MAP4: variants seen among roughly 807,000 people sequenced by gnomAD.
The protein encoded by MAP4 is microtubule-associated protein 4.
A neutral mutation model predicts 170.2 loss-of-function variants in MAP4; 76 were observed. That is an observed-to-expected ratio of 0.45 (90% CI 0.37 to 0.54). MAP4 has a LOEUF of 0.54. MAP4 is among the 20% of genes least tolerant of loss of function. MAP4 has a pLI of 0.00. For synonymous variants in MAP4, 909 were observed against 994.5 expected, an observed-to-expected ratio of 0.91 and a Z score of 1.62; for missense variants, 2,506 against 2,748.0, an observed-to-expected ratio of 0.91 and a Z score of 1.97.
intron 20 of MAP4, 89 bp from the exon 21 acceptor site, chr3:47,853,027 C>T (rs768410610): frequency 3.7e-6 from 6 of 1,614,224 alleles, no homozygotes; most frequent in Non-Finnish European, 5.1e-6. Flanking sequence ...ACCAGAATGT[C>T]ATCATTAGAT....
intron 17 of MAP4, among the ~76,000 whole-genome samples, chr3:47,858,607 GTGTGTGTGCGCGT>G (rs1314780967): frequency 1.8e-4 from 25 of 138,760 alleles, no homozygotes; most frequent in African/African-American, 7.4e-4. Flanking sequence ...GTGTGTGTGT[GTGTGTGTGCGCGT>G]TGTGTGTGTG....
At chr3:48,044,676 T>C (rs932971298) in intron 1 of MAP4, among the ~76,000 whole-genome samples, 4 of 152,040 alleles carry the variant, frequency 2.6e-5, no homozygotes, top group Admixed American at 6.5e-5. Context: ...GGCAGGAGAA[T>C]TGTTTGAACC....
chr3:47,928,068 G>C (rs2100047062), intron 4 of MAP4, among the ~76,000 whole-genome samples, 160 bp downstream of exon 4: 1 of 152,206 alleles, frequency 6.6e-6, no homozygotes, highest in Admixed American at 6.6e-5. Context: ...GTGTCTCAAA[G>C]GAAAGGATAA....
intron 1 of MAP4, among the ~76,000 whole-genome samples, chr3:48,061,246 G>A (rs945784839): frequency 2.1e-5 from 3 of 141,312 alleles, no homozygotes; most frequent in Admixed American, 7.2e-5. Flanking sequence ...ATGCCGAGCC[G>A]AAGCTGGACT....
chr3:47,907,865 G>A (rs951164978), intron 9 of MAP4, among the ~76,000 whole-genome samples: 3 of 152,192 alleles, frequency 2.0e-5, no homozygotes, highest in Non-Finnish European at 2.9e-5. Flanking sequence ...AAACAGAGAA[G>A]ATGAGAATGT....
At chr3:47,881,550 T>C (rs1318147276) in intron 10 of MAP4, among the ~76,000 whole-genome samples, 2 of 144,848 alleles carry the variant, frequency 1.4e-5, no homozygotes, top group Non-Finnish European at 3.0e-5. Flanking sequence ...TAACATGATA[T>C]ATTTCTTTCC....
chr3:47,905,691 AC>A (rs67928913), intron 9 of MAP4, among the ~76,000 whole-genome samples: 57,987 of 151,316 alleles, frequency 0.38, 12,416 homozygotes, highest in African/African-American at 0.59. Flanking sequence ...TGAAGAAGTC[AC>A]TAAAAAAAAA....
intron 1 of MAP4, among the ~76,000 whole-genome samples, chr3:48,057,421 T>TA (rs1205490706): frequency 7.6e-6 from 1 of 131,818 alleles, no homozygotes; most frequent in African/African-American, 2.9e-5. Context: ...GCATGCTCGT[T>TA]AAGAGTCATC....
Position 47,911,072 on chromosome 3 carries a change from C to T in MAP4, c.3349G>A (p.Glu1117Lys). Residue 1117 changes from glutamate to lysine, a missense_variant, in exon 9 of 21, where the codon GAG becomes AAG. By Grantham distance (56) the Glu-to-Lys change is moderately conservative. This residue lies in a region of MAP4 where 2,008 missense variants were observed against 2,206.0 expected (regional missense o/e 0.91). Transcript: ENST00000683076. The surrounding 1 kb of genome is among the most constrained non-coding windows in gnomAD (Gnocchi z 4.0). ...TEGMTTQDKS[E>K]ELGLNSSKQP... ...TTTGAAGAATTCAGCCCCAGCTCCTCACTCTTATCCTGAGTAGTCATTCCT... is the reference window on the plus strand; with the variant it reads ...TTTGAAGAATTCAGCCCCAGCTCCTTACTCTTATCCTGAGTAGTCATTCCT... 1 of 1,536,202 alleles carries T rather than the reference C, an allele frequency of 6.5e-7. No individual in the cohort carries two copies. The highest frequency in any genetic ancestry group is 8.7e-7 in the Non-Finnish European group (1 of 1,146,920).
Position 47,921,780 on chromosome 3 carries a change from AGG to A in MAP4, c.512_513del (p.Pro171LeufsTer78). On this transcript the variant is annotated frameshift_variant, in exon 5 of 21. Transcript: ENST00000683076. LOFTEE classifies it high-confidence loss of function. ...DTSIFAGQND[P>X]LKDSYGMSPC... The stretch of plus-strand genomic sequence containing the variant: ...GAAGCCATACCGTAACTGTCTTTCA[AGG>A]GATCATTTTGTCCTGCAAATATTGA... 1.2e-6 allele frequency: 2 copies of A among 1,605,552 alleles called. No individual in the cohort carries two copies. Among genetic ancestry groups the A allele is most frequent in the Non-Finnish European group, 1.7e-6 (2 of 1,172,254 alleles).
rs1163246476 is a variant in MAP4, at chr3:47,910,828, T to G, written c.3593A>C (p.Asp1198Ala). The part of the protein sequence containing the change: ...QSKEGRCPWK[D>A]HEAAPWISEK... The stretch of plus-strand genomic sequence containing the variant: ...AGAAATCCAGGGAGCTGCCTCATGA[T>G]CCTTCCATGGACACCTTCCTTCCTT... Residue 1198 changes from aspartate (D) to alanine (A), a missense_variant, in exon 9 of 21, where the codon GAT (aspartate) becomes GCT (alanine). Physicochemically the swap from Asp to Ala is moderately radical, Grantham distance 126 (BLOSUM62 -2). Transcript: ENST00000683076. 3.3e-6 allele frequency: 5 copies of G among 1,536,020 alleles called. No homozygotes were observed. The highest frequency in any genetic ancestry group is 3.3e-4 in the Middle Eastern group (2 of 6,012).
At chr3:48,025,068 A>G (rs529119905) in intron 1 of MAP4, among the ~76,000 whole-genome samples, 1 of 152,070 alleles carries the variant, frequency 6.6e-6, no homozygotes, top group Admixed American at 6.6e-5. Flanking sequence ...TTGCAAAAAG[A>G]AAAGAATTCT....
At chr3:48,064,042 T>C (rs1331697324) in intron 1 of MAP4, among the ~76,000 whole-genome samples, 1 of 152,194 alleles carries the variant, frequency 6.6e-6, no homozygotes, top group Non-Finnish European at 1.5e-5. Context: ...TAGCCCAAAC[T>C]AACTTTGTTT....
intron 1 of MAP4, among the ~76,000 whole-genome samples, chr3:48,003,853 GC>G (rs2100100701): frequency 6.6e-6 from 1 of 152,120 alleles, no homozygotes; most frequent in African/African-American, 2.4e-5. Context: ...TCAGCCACCA[GC>G]GAACATAAAG....
chr3:47,918,826 T>A lies in MAP4; in HGVS notation c.545A>T (p.Asn182Ile). Residue 182 changes from asparagine to isoleucine, a missense_variant, in exon 6 of 21, where the codon AAC becomes ATC. By Grantham distance (149) the Asn-to-Ile change is moderately radical. Transcript: ENST00000683076. ...CCACCCCTGAGGTACAACAGCTGTG[T>A]TGCAGGGAGACATACCTAATATTGA... ...LKDSYGMSPC[N>I]TAVVPQGWSV... 2 of 1,613,094 alleles carry A rather than the reference T, an allele frequency of 1.2e-6. No homozygotes were observed. The highest frequency in any genetic ancestry group is 2.2e-5 in the South Asian group (2 of 91,050).
At chr3:48,001,828 T>C (rs980402707) in intron 1 of MAP4, among the ~76,000 whole-genome samples, 1 of 152,196 alleles carries the variant, frequency 6.6e-6, no homozygotes, top group African/African-American at 2.4e-5. Context: ...GCAAATGTGA[T>C]ATTTAAATTT....
intron 1 of MAP4, among the ~76,000 whole-genome samples, chr3:48,028,160 C>T (rs780578954): frequency 1.8e-4 from 27 of 152,222 alleles, no homozygotes; most frequent in Non-Finnish European, 3.1e-4. Flanking sequence ...GGTGTGGTAG[C>T]ACACGCCTAT....
intron 3 of MAP4, among the ~76,000 whole-genome samples, chr3:47,962,851 C>T (rs984109085): frequency 1.3e-5 from 2 of 152,218 alleles, no homozygotes; most frequent in Non-Finnish European, 1.5e-5. Flanking sequence ...CACAGAAAAA[C>T]TGAAGACCAG....
chr3:48,061,309 C>G lies in MAP4; in HGVS notation c.-20+27464G>C, dbSNP rs1201553412. On this transcript the variant is annotated intron_variant, in intron 1 of 18. Transcript: ENST00000360240. ...ACCTCCCTGCCTGATTCTCCTCCCT[C>G]AGCCTGCCGAGTGCCTGCGATTGCA... Among the ~76,000 whole-genome samples the G allele has an allele frequency of 1.1e-4, 17 of 152,124 alleles. 1 individual carries two copies. In the East Asian group the frequency reaches 3.3e-3, roughly 30 times the overall value.
Sources: gnomAD v4.1 joint callset for allele counts (sites outside exome capture counted in the v4.1 genomes callset) on GRCh38, gnomAD v4.1.1 for gene constraint, gnomAD v4.1.1 regional missense constraint, Gnocchi (gnomAD v3.1) non-coding constraint, MANE v1.5 for transcripts, NCBI Gene and HGNC (gene_info 2026-07-23, HGNC 2026-07-21) for gene names.